PRKAG1: variants seen among roughly 807,000 people sequenced by gnomAD.
PRKAG1 encodes protein kinase AMP-activated non-catalytic subunit gamma 1.
In PRKAG1, 27 loss-of-function variants were observed where a neutral mutation model predicts 48.2. The observed-to-expected ratio is 0.56, with a 90% CI of 0.41 to 0.77. The LOEUF (loss-of-function observed/expected upper bound fraction) is 0.77. Among genes scored for constraint, PRKAG1 ranks in the 30% least tolerant of loss-of-function variants. PRKAG1 has a pLI of 0.00. For missense variants in PRKAG1, 287 were observed against 398.3 expected (o/e 0.72, Z 2.38); for synonymous variants, 130 against 147.7 (o/e 0.88, Z 0.87).
chr12:49,002,639 A>G lies in PRKAG1; in HGVS notation c.*260T>C, dbSNP rs1246124881. 1.8e-6 allele frequency: 1 copy of G among 542,730 alleles called. No homozygotes were observed. Among genetic ancestry groups the G allele is most frequent in the Non-Finnish European group, 3.4e-6 (1 of 298,288 alleles). The allele number at this position is 542,730 out of a possible 1,614,324, so 33.6% of individuals were successfully genotyped here. On this transcript the variant is annotated 3_prime_UTR_variant, in exon 12 of 12. Coordinates refer to ENST00000548065, the MANE Select transcript of PRKAG1 (RefSeq NM_002733.5). ...CACAGAGCCTATAGTTCACCCAGAA[A>G]GGGGGATATATCTAAGAGGACAGGG...
In PRKAG1 at chr12:49,005,495, G is replaced by A; in HGVS notation, c.217C>T (p.Pro73Ser). 2 of 1,614,072 alleles carry A rather than the reference G, an allele frequency of 1.2e-6. No homozygotes were observed. The highest frequency in any genetic ancestry group is 1.3e-5 in the African/African-American group (1 of 74,988). Residue 73 changes from proline to serine, a missense_variant, in exon 4 of 12, where the codon CCT becomes TCT. Physicochemically the swap from Pro to Ser is moderately conservative, Grantham distance 74. Coordinates refer to ENST00000548065, the MANE Select transcript of PRKAG1 (RefSeq NM_002733.5). This position sits in a 1 kb window ranked among gnomAD's most constrained non-coding sequence, Gnocchi z 4.1. ...ALVTNGVRAA[P>S]LWDSKKQSFV... ...CTTTGCTTCTTACTATCCCATAAAGGGGCAGCTCGTACACCGTTAGTCACC... is the reference window on the plus strand; with the variant it reads ...CTTTGCTTCTTACTATCCCATAAAGAGGCAGCTCGTACACCGTTAGTCACC...
In PRKAG1 at chr12:49,003,187, T is replaced by C. The variant is rs1941362604; in HGVS notation, c.845A>G (p.His282Arg). The C allele has an allele frequency of 1.2e-6, 2 of 1,614,104 alleles. No homozygotes were observed. The highest frequency in any genetic ancestry group is 1.7e-6 in the Non-Finnish European group (2 of 1,180,044). ...YFEGVLKCYLHETLETIINRL... is the reference protein window; with the variant it reads ...YFEGVLKCYLRETLETIINRL... ...GTTGATGATGGTCTCCAGAGTCTCA[T>C]GCAGGTAGCACTTGAGAACACCCTC... Residue 282 changes from histidine to arginine, a missense_variant, in exon 11 of 12, where the codon CAT becomes CGT. Coordinates refer to ENST00000548065, the MANE Select transcript of PRKAG1 (RefSeq NM_002733.5).
chr12:49,002,802 G>T lies in PRKAG1; in HGVS notation c.*97C>A. The T allele has an allele frequency of 1.7e-6, 2 of 1,193,072 alleles. No individual in the cohort carries two copies. Among genetic ancestry groups the T allele is most frequent in the Non-Finnish European group, 2.4e-6 (2 of 823,526 alleles). The allele number at this position is 1,193,072 out of a possible 1,614,324, so 73.9% of individuals were successfully genotyped here. The stretch of plus-strand genomic sequence containing the variant: ...CAGGGGACCCTGAACAGGGAACAGA[G>T]TCACAATTCCCTCAAGTTTCATCTG... On this transcript the variant is annotated 3_prime_UTR_variant, in exon 12 of 12. Transcript: ENST00000548065.
At chr12:49,004,059 G>A in intron 8 of PRKAG1, 137 bp from the exon 9 acceptor site, 1 of 1,202,948 alleles carries the variant, frequency 8.3e-7, no homozygotes, top group African/African-American at 1.5e-5. Flanking sequence ...GGAGGCTGAG[G>A]GGGACATATT....
At chr12:49,013,131 A>G in intron 1 of PRKAG1, 21 bp from the exon 2 acceptor site, 1 of 1,608,672 alleles carries the variant, frequency 6.2e-7, no homozygotes, top group Non-Finnish European at 8.5e-7. Context: ...AAGAAAACAG[A>G]TTCAGCTTAA....
intron 2 of PRKAG1, among the ~76,000 whole-genome samples, chr12:49,007,010 G>A (rs1310713188): frequency 6.6e-6 from 1 of 151,328 alleles, no homozygotes; most frequent in Non-Finnish European, 1.5e-5. Context: ...CATTGGCTGG[G>A]CGTGGTGGCT....
In PRKAG1 at chr12:49,016,819, C is replaced by G. The variant is rs1941994207; in HGVS notation, c.9+1913G>C. On this transcript the variant is annotated intron_variant, in intron 1 of 11. Coordinates refer to ENST00000548065, the MANE Select transcript of PRKAG1 (RefSeq NM_002733.5). ...CCTAAAGGACATTCACTGACTTGCT[C>G]ATAAATCTTCCATGGGTCCCCTATT... 45 of 250,396 alleles carry G rather than the reference C, an allele frequency of 1.8e-4. 2 individuals are homozygous for G. Among genetic ancestry groups the G allele is most frequent in the South Asian group, 1.7e-3 (45 of 26,372 alleles). The allele number at this position is 250,396 out of a possible 1,614,324, so 15.5% of individuals were successfully genotyped here. A position where few individuals can be genotyped will look rare whatever the true frequency, so the allele number is the denominator to read the frequency against.
At chr12:49,017,989 G>T (rs1213641579) in intron 1 of PRKAG1, 3 of 152,172 alleles carry the variant, frequency 2.0e-5, no homozygotes, top group Admixed American at 1.3e-4. Context: ...GTTACAGAGC[G>T]CTAGAAAAAG....
intron 1 of PRKAG1, chr12:49,018,500 G>C (rs1428921565): frequency 1.4e-6 from 2 of 1,396,856 alleles, no homozygotes; most frequent in Non-Finnish European, 1.9e-6. Flanking sequence ...GTCACTGCCT[G>C]CTTGGGCTAA....
At chr12:49,003,697 C>T in intron 9 of PRKAG1, 60 bp downstream of exon 9, 1 of 1,606,528 alleles carries the variant, frequency 6.2e-7, no homozygotes, top group Non-Finnish European at 8.5e-7. Context: ...AGCAGATCTT[C>T]CCAGAGCCAC....
intron 2 of PRKAG1, among the ~76,000 whole-genome samples, chr12:49,009,876 G>A (rs1031557371): frequency 1.3e-5 from 2 of 152,168 alleles, no homozygotes; most frequent in African/African-American, 4.8e-5. Flanking sequence ...GCCTCCCAAA[G>A]TGCTGGGATT....
chr12:49,010,286 A>C (rs939393851), intron 2 of PRKAG1, among the ~76,000 whole-genome samples: 2 of 152,206 alleles, frequency 1.3e-5, no homozygotes, highest in Non-Finnish European at 2.9e-5. Flanking sequence ...CTAAGTGTGT[A>C]AGTGAGCCTT....
intron 8 of PRKAG1, 187 bp downstream of exon 8, chr12:49,004,320 G>A: frequency 1.5e-6 from 1 of 668,180 alleles, no homozygotes; most frequent in Non-Finnish European, 2.5e-6. Flanking sequence ...AATAAGAAGT[G>A]GGGCTGGATG....
Position 49,018,754 on chromosome 12 carries a change from C to T in PRKAG1, c.-14G>A, listed in dbSNP as rs768031321. 2.5e-6 allele frequency: 4 copies of T among 1,612,710 alleles called. No individual in the cohort carries two copies. Among genetic ancestry groups the T allele is most frequent in the East Asian group, 2.2e-5 (1 of 44,876 alleles). On this transcript the variant is annotated 5_prime_UTR_variant, in exon 1 of 12. Transcript: ENST00000548065. ...CACCGTCTCCATTGCAAGAGGCGCC[C>T]GGCTTGGTTTCCTCGCTTTAGGAAA...
chr12:49,004,729 G>A, intron 7 of PRKAG1, 96 bp from the exon 8 acceptor site: 3 of 1,548,506 alleles, frequency 1.9e-6, no homozygotes, highest in South Asian at 1.1e-5. Flanking sequence ...GAAAACTGAT[G>A]GTTAGGGAAG....
Position 49,005,849 on chromosome 12 carries a change from G to T in PRKAG1, c.62C>A (p.Thr21Asn). The T allele has an allele frequency of 6.2e-7, 1 of 1,600,988 alleles. No individual in the cohort carries two copies. The highest frequency in any genetic ancestry group is 8.5e-7 in the Non-Finnish European group (1 of 1,172,642). ...PAVENEHPQE[T>N]PESNNSVYTS... The stretch of plus-strand genomic sequence containing the variant: ...ATACACGCTATTGTTGGATTCTGGG[G>T]TCTCTGCATAGGGTGGGATAGTTAG... The change falls in exon 3 of 12, where the codon ACC (threonine) becomes AAC (asparagine). Residue 21 changes from threonine to asparagine, a missense_variant. By Grantham distance (65) the Thr-to-Asn change is moderately conservative (BLOSUM62 0). Transcript: ENST00000548065. This position sits in a 1 kb window ranked among gnomAD's most constrained non-coding sequence, Gnocchi z 4.1.
intron 1 of PRKAG1, among the ~76,000 whole-genome samples, chr12:49,013,941 G>A (rs1348412467): frequency 2.6e-5 from 4 of 152,126 alleles, no homozygotes; most frequent in Admixed American, 6.5e-5. Context: ...CTGGAGTGCA[G>A]TGGCGTGATC....
At chr12:49,006,562 G>C (rs1168638387) in intron 2 of PRKAG1, among the ~76,000 whole-genome samples, 1 of 152,170 alleles carries the variant, frequency 6.6e-6, no homozygotes, top group Non-Finnish European at 1.5e-5. Flanking sequence ...GGAGATCCTG[G>C]CTAGTTTACC....
chr12:49,018,358 G>T, intron 1 of PRKAG1: 1 of 839,764 alleles, frequency 1.2e-6, no homozygotes, highest in Non-Finnish European at 1.5e-6. Flanking sequence ...CCCTCTGGAC[G>T]CCCCGTGCCT....
Sources: allele counts gnomAD v4.1 joint callset (sites outside exome capture counted in the v4.1 genomes callset), GRCh38; gene constraint gnomAD v4.1.1; non-coding constraint Gnocchi (gnomAD v3.1); transcripts MANE v1.5; gene names NCBI Gene and HGNC (gene_info 2026-07-23, HGNC 2026-07-21).